FAM13B: variants seen among roughly 807,000 people sequenced by gnomAD.
FAM13B encodes protein FAM13B.
FAM13B carries 60 observed loss-of-function variants against 117.3 expected under a neutral mutation model. The observed-to-expected ratio is 0.51, with a 90% CI of 0.42 to 0.63. The LOEUF (loss-of-function observed/expected upper bound fraction) is 0.63. Among genes scored for constraint, FAM13B ranks in the 30% least tolerant of loss-of-function variants. FAM13B has a pLI of 0.00. For missense variants in FAM13B, 972 were observed against 1,091.9 expected (o/e 0.89, Z 1.55); for synonymous variants, 332 against 356.1 (o/e 0.93, Z 0.76).
At chr5:137,974,265 C>G (rs1352199794) in intron 10 of FAM13B, among the ~76,000 whole-genome samples, 2 of 151,958 alleles carry the variant, frequency 1.3e-5, no homozygotes, top group Non-Finnish European at 2.9e-5. Context: ...CCATGGAATA[C>G]TATACTATGC....
At chr5:138,040,593 G>A (rs965843445) in intron 1 of FAM13B, among the ~76,000 whole-genome samples, 6 of 151,728 alleles carry the variant, frequency 4.0e-5, no homozygotes, top group African/African-American at 1.5e-4. Context: ...AAAAAAGAAG[G>A]AGATAATAGA....
At position 138,019,142 on chromosome 5, in the gene FAM13B, C is replaced by A; in HGVS notation, c.-31G>T. 1 of 1,565,996 alleles carries A rather than the reference C, an allele frequency of 6.4e-7. No homozygotes were observed. On this transcript the variant is annotated 5_prime_UTR_variant, in exon 3 of 24. Coordinates refer to ENST00000689681, the MANE Select transcript of FAM13B (RefSeq NM_001385994.1). ...TTTTGCAGCCAGAAATCAAAGCTGTCTTTTCTGCCAAATGAAAGACAAAAA... is the reference window on the plus strand; with the variant it reads ...TTTTGCAGCCAGAAATCAAAGCTGTATTTTCTGCCAAATGAAAGACAAAAA...
chr5:137,965,520 A>G (rs1403365224), intron 10 of FAM13B, among the ~76,000 whole-genome samples: 1 of 152,126 alleles, frequency 6.6e-6, no homozygotes, highest in Non-Finnish European at 1.5e-5. Context: ...TTAGTTCTGC[A>G]TCTTCCCATT....
intron 1 of FAM13B, among the ~76,000 whole-genome samples, chr5:138,025,257 A>C: frequency 6.7e-6 from 1 of 148,758 alleles, no homozygotes; most frequent in East Asian, 2.0e-4. Flanking sequence ...CATATACCTC[A>C]CCATGAGATA....
In FAM13B at chr5:137,940,232, G is replaced by A. The variant is rs1761232480; in HGVS notation, c.2807C>T (p.Ser936Phe). 6.2e-7 allele frequency: 1 copy of A among 1,613,722 alleles called. No individual in the cohort carries two copies. The highest frequency in any genetic ancestry group is 8.5e-7 in the Non-Finnish European group (1 of 1,179,920). ...ATTTTCAAGGAACGTATCTTATATG[G>A]ATTTTGAAGAATCTTGTTTGCTTAT... The part of the protein sequence containing the change: ...VLISKQDSSK[S>F]I Residue 936 changes from serine (S) to phenylalanine (F), a missense_variant, in exon 24 of 24, where the codon TCC becomes TTC. Coordinates refer to ENST00000689681, the MANE Select transcript of FAM13B (RefSeq NM_001385994.1).
rs551972748 is a variant in FAM13B at position 137,953,483 on chromosome 5, G to A, written c.1719-18C>T. The stretch of plus-strand genomic sequence containing the variant: ...TTCGAATTCTGAATTAAAACAAAAG[G>A]CCAACACTGTTAAATTTTCAAGTAC... On this transcript the variant is annotated intron_variant, in intron 15 of 23. Transcript: ENST00000689681. 2 of 1,611,688 alleles carry A rather than the reference G, an allele frequency of 1.2e-6. No individual in the cohort carries two copies. The highest frequency in any genetic ancestry group is 2.7e-5 in the African/African-American group (2 of 74,826).
At chr5:138,010,193 C>A (rs1282568630) in intron 6 of FAM13B, among the ~76,000 whole-genome samples, 1 of 152,162 alleles carries the variant, frequency 6.6e-6, no homozygotes, top group Non-Finnish European at 1.5e-5. Flanking sequence ...GTTGGCCGGG[C>A]TGGTCTCAAA....
chr5:137,982,660 C>A (rs1400945625), intron 10 of FAM13B, among the ~76,000 whole-genome samples: 2 of 144,216 alleles, frequency 1.4e-5, no homozygotes, highest in African/African-American at 5.2e-5. Context: ...AATGAGCCGC[C>A]CTTTATTTAT....
intron 10 of FAM13B, among the ~76,000 whole-genome samples, chr5:137,969,311 C>T (rs1042333257): frequency 7.2e-5 from 11 of 152,214 alleles, no homozygotes; most frequent in Admixed American, 3.3e-4. Flanking sequence ...CCCTTGACCC[C>T]CAAGCAGCCT....
rs1761153434 is a variant in FAM13B at position 137,939,977 on chromosome 5, A to C, written c.*248T>G. The C allele has an allele frequency of 1.9e-6, 3 of 1,541,886 alleles. No individual in the cohort carries two copies. Among genetic ancestry groups the C allele is most frequent in the Non-Finnish European group, 2.6e-6 (3 of 1,145,322 alleles). On this transcript the variant is annotated 3_prime_UTR_variant, in exon 24 of 24. Coordinates refer to ENST00000689681, the MANE Select transcript of FAM13B (RefSeq NM_001385994.1). ...GATGTATCTGTAGTACAAAACAATG[A>C]AGTAAACCATATGTTTGCTAAAGGT...
intron 8 of FAM13B, 50 bp downstream of exon 8, chr5:137,988,221 TTAG>T (rs1777714246): frequency 3.1e-6 from 4 of 1,296,588 alleles, no homozygotes; most frequent in Admixed American, 2.5e-5. Flanking sequence ...TTTCTACAGC[TTAG>T]TAGTATTTTA....
chr5:137,956,428 A>G, intron 14 of FAM13B, 49 bp downstream of exon 14: 1 of 1,274,814 alleles, frequency 7.8e-7, no homozygotes, highest in Non-Finnish European at 1.1e-6. Flanking sequence ...AGACAAACAA[A>G]GTGAACCATA....
At chr5:138,012,530 T>G (rs540921001) in intron 4 of FAM13B, among the ~76,000 whole-genome samples, 2 of 152,384 alleles carry the variant, frequency 1.3e-5, no homozygotes, top group African/African-American at 4.8e-5. Context: ...ATTTCTCGTC[T>G]GTTTTTCTCC....
intron 9 of FAM13B, among the ~76,000 whole-genome samples, chr5:137,985,593 ACCATGTTAT>A (rs1387459802): frequency 2.0e-5 from 3 of 152,216 alleles, no homozygotes; most frequent in Admixed American, 6.5e-5. Context: ...GTTGTGAGGG[ACCATGTTAT>A]CCCCTCTAAA....
intron 7 of FAM13B, among the ~76,000 whole-genome samples, chr5:137,993,876 T>C (rs563290511): frequency 8.5e-5 from 13 of 152,282 alleles, no homozygotes; most frequent in Non-Finnish European, 1.5e-4. Context: ...ATCTCTAAAG[T>C]AGGGCCCAAG....
chr5:138,010,911 A>T, intron 6 of FAM13B, 97 bp downstream of exon 6: 3 of 1,228,462 alleles, frequency 2.4e-6, no homozygotes, highest in Non-Finnish European at 3.2e-6. Context: ...GGTCAGATTT[A>T]AATTCCACTT....
intron 7 of FAM13B, among the ~76,000 whole-genome samples, chr5:137,990,170 G>A (rs1484074159): frequency 1.3e-5 from 2 of 152,128 alleles, no homozygotes; most frequent in South Asian, 2.1e-4. Context: ...TATGTGGTGC[G>A]ATCTGTTTTA....
At chr5:137,989,998 G>GA (rs1273987150) in intron 7 of FAM13B, among the ~76,000 whole-genome samples, 3 of 151,402 alleles carry the variant, frequency 2.0e-5, no homozygotes, top group East Asian at 1.9e-4. Context: ...GATTTCTGTA[G>GA]AAAAAAAACA....
chr5:137,988,286 G>T lies in FAM13B; in HGVS notation c.878C>A (p.Pro293Gln). ...STHISPISIL[P>Q]ASTDILERTI... ...ATATACTACTTACTCTGTAGAGGCT[G>T]GTAGGATGCTGATGGGAGATATATG... is the stretch of plus-strand genomic sequence containing the variant. Residue 293 changes from proline to glutamine, a missense_variant, in exon 8 of 24, where the codon CCA (proline) becomes CAA (glutamine). Physicochemically the swap from Pro to Gln is moderately conservative, Grantham distance 76 (BLOSUM62 -1). Transcript: ENST00000689681. 6.4e-7 allele frequency: 1 copy of T among 1,553,382 alleles called. No individual in the cohort carries two copies. Among genetic ancestry groups the T allele is most frequent in the South Asian group, 1.2e-5 (1 of 81,180 alleles).
Sources: allele counts gnomAD v4.1 joint callset (sites outside exome capture counted in the v4.1 genomes callset), GRCh38; gene constraint gnomAD v4.1.1; transcripts MANE v1.5; gene names NCBI Gene and HGNC (gene_info 2026-07-23, HGNC 2026-07-21).